Variants in DOCK1 observed in about 807,000 individuals in gnomAD.
DOCK1 encodes the protein dedicator of cytokinesis 1, also known as dedicator of cytokinesis protein 1.
DOCK1 carries 138 observed loss-of-function variants against 262.7 expected under a neutral mutation model. The observed-to-expected ratio is 0.53, with a 90% CI of 0.46 to 0.61. The LOEUF (loss-of-function observed/expected upper bound fraction) is 0.61, where lower values mean the gene tolerates loss of function less well. Among genes scored for constraint, DOCK1 ranks in the 20% least tolerant of loss-of-function variants. The pLI, the probability that DOCK1 is intolerant of heterozygous loss-of-function variation, is 0.00. For synonymous variants in DOCK1, 866 were observed against 867.4 expected (o/e 1.00, Z 0.03); for missense variants, 1,908 against 2,370.7 (o/e 0.80, Z 4.05).
At chr10:126,948,722 T>A (rs2035862384) in intron 1 of DOCK1, among the ~76,000 whole-genome samples, 1 of 152,026 alleles carries the variant, frequency 6.6e-6, no homozygotes, top group Non-Finnish European at 1.5e-5. Flanking sequence ...GGCGCCCAGC[T>A]GTGCAGCTGC....
chr10:127,114,075 C>T lies in DOCK1; in HGVS notation c.2623+3721C>T, dbSNP rs538502121. Reference sequence around the variant, plus strand: ...TGCTTAAAAAGCCCCCTACATGCCACCTCATGGCTCCTCATGGCACGCCCC... The same window carrying T: ...TGCTTAAAAAGCCCCCTACATGCCATCTCATGGCTCCTCATGGCACGCCCC... On this transcript the variant is annotated intron_variant, in intron 25 of 51. Coordinates refer to ENST00000623213, the MANE Select transcript of DOCK1 (RefSeq NM_001290223.2). 1.2e-4 allele frequency among the ~76,000 whole-genome samples: 19 copies of T among 152,316 alleles called. No individual in the cohort carries two copies. The South Asian group carries it at 3.7e-3, about 30-fold the overall frequency.
chr10:126,979,625 C>A (rs2038804229), intron 3 of DOCK1, among the ~76,000 whole-genome samples: 1 of 152,134 alleles, frequency 6.6e-6, no homozygotes, highest in African/African-American at 2.4e-5. Flanking sequence ...CACAGTATTT[C>A]TGCACTACAC....
rs1386524151 is a variant in DOCK1 at position 127,145,534 on chromosome 10, GTCC to G, written c.2847+17775_2847+17777del. Among the ~76,000 whole-genome samples the G allele has an allele frequency of 8.5e-5, 13 of 152,072 alleles. No homozygotes were observed. In the East Asian group the frequency reaches 2.5e-3, roughly 29 times the overall value. On this transcript the variant is annotated intron_variant, in intron 27 of 51. Coordinates refer to ENST00000623213, the MANE Select transcript of DOCK1 (RefSeq NM_001290223.2). ...GAAAAGGAGATGACACAGGGCTGTT[GTCC>G]TCCTGTTCTAAGCTGGTTGCTGTGA...
intron 27 of DOCK1, among the ~76,000 whole-genome samples, chr10:127,130,699 A>G (rs942768185): frequency 2.0e-5 from 3 of 152,218 alleles, no homozygotes; most frequent in East Asian, 1.9e-4. Context: ...TATGCACTCT[A>G]TAATGAACAG....
chr10:127,380,722 T>C (rs543419376), intron 36 of DOCK1, among the ~76,000 whole-genome samples: 25 of 152,322 alleles, frequency 1.6e-4, no homozygotes, highest in African/African-American at 5.5e-4. Context: ...CTCTGGAGAC[T>C]AGGAGAAGGA....
chr10:127,444,618 G>T (rs747962136), intron 50 of DOCK1, among the ~76,000 whole-genome samples: 15 of 152,168 alleles, frequency 9.9e-5, no homozygotes, highest in Non-Finnish European at 1.9e-4. Context: ...GCCTGCTTGT[G>T]TCTAGGACTG....
intron 10 of DOCK1, among the ~76,000 whole-genome samples, chr10:127,006,806 T>G (rs1279983860): frequency 1.3e-5 from 2 of 152,072 alleles, no homozygotes; most frequent in Non-Finnish European, 1.5e-5. Context: ...GCTGGTGAGA[T>G]GAGTCCCATG....
intron 40 of DOCK1, among the ~76,000 whole-genome samples, chr10:127,405,190 C>A (rs780658279): frequency 3.3e-5 from 5 of 152,164 alleles, no homozygotes; most frequent in Non-Finnish European, 5.9e-5. Flanking sequence ...TGTATGGCCA[C>A]GGTGCTAGAA....
intron 29 of DOCK1, among the ~76,000 whole-genome samples, chr10:127,280,222 G>T (rs796668911): frequency 1.8e-4 from 27 of 151,526 alleles, no homozygotes; most frequent in African/African-American, 6.3e-4. Flanking sequence ...TTTTAGTAGA[G>T]ACGGGGTTTC....
chr10:127,058,721 TTA>T (rs1320162185), intron 22 of DOCK1, among the ~76,000 whole-genome samples: 1 of 152,108 alleles, frequency 6.6e-6, no homozygotes, highest in African/African-American at 2.4e-5. Context: ...CATGTTGGAC[TTA>T]TTTTAGAGTA....
chr10:127,182,576 A>G (rs1274272689), intron 27 of DOCK1, among the ~76,000 whole-genome samples: 2 of 152,332 alleles, frequency 1.3e-5, no homozygotes, highest in South Asian at 2.1e-4. Flanking sequence ...TGAATTACCA[A>G]AATTTTATGA....
intron 1 of DOCK1, among the ~76,000 whole-genome samples, chr10:126,947,058 C>A (rs1439992446): frequency 2.6e-5 from 4 of 152,264 alleles, no homozygotes; most frequent in South Asian, 4.1e-4. Context: ...GGAGGCTTGG[C>A]AGCAGCATGC....
chr10:127,069,165 G>A (rs1293449187), intron 23 of DOCK1, among the ~76,000 whole-genome samples: 3 of 152,122 alleles, frequency 2.0e-5, no homozygotes, highest in Non-Finnish European at 2.9e-5. Context: ...CCCTGCCTTG[G>A]TTTCCACTAG....
chr10:127,334,195 C>T (rs960010237), intron 29 of DOCK1, among the ~76,000 whole-genome samples: 11 of 152,086 alleles, frequency 7.2e-5, no homozygotes, highest in Middle Eastern at 3.4e-3. Flanking sequence ...TGTTGAACAA[C>T]GTTCCGAAGG....
chr10:126,988,552 C>T (rs2039572414), intron 5 of DOCK1: 2 of 152,314 alleles, frequency 1.3e-5, no homozygotes, highest in East Asian at 1.9e-4. Context: ...CTGAGCAATT[C>T]TGTAGTCAGG....
chr10:127,064,106 C>T (rs1466392891), intron 23 of DOCK1, among the ~76,000 whole-genome samples: 1 of 152,196 alleles, frequency 6.6e-6, no homozygotes, highest in Non-Finnish European at 1.5e-5. Flanking sequence ...AACCATCTTC[C>T]ATAGACAAAG....
At chr10:127,438,591 G>A (rs2069855222) in intron 48 of DOCK1, among the ~76,000 whole-genome samples, 1 of 152,160 alleles carries the variant, frequency 6.6e-6, no homozygotes. Flanking sequence ...CCGTCTATCT[G>A]TAATCATAGA....
chr10:127,438,883 T>C (rs991257823), intron 48 of DOCK1, 144 bp from the exon 49 acceptor site: 4 of 750,078 alleles, frequency 5.3e-6, no homozygotes, highest in East Asian at 5.5e-5. Context: ...CTGGTGACTG[T>C]GTATCTGAAG....
rs200827111 is a variant in DOCK1 at position 127,284,145 on chromosome 10, TA to T, written c.3044+26718del. Among the ~76,000 whole-genome samples, 908 of 152,316 alleles carry T rather than the reference TA, an allele frequency of 6.0e-3. 29 individuals are homozygous for T. The highest frequency in any genetic ancestry group is 0.051 in the Admixed American group (784 of 15,288). Reference sequence around the variant, plus strand: ...TAAACTATTTACATCCTTTGCTCATTAATCTATTGGTTTTAGTGTTTTTTCT... The same window carrying T: ...TAAACTATTTACATCCTTTGCTCATTATCTATTGGTTTTAGTGTTTTTTCT... On this transcript the variant is annotated intron_variant, in intron 29 of 51. Transcript: ENST00000623213.
Sources: allele counts gnomAD v4.1 joint callset (sites outside exome capture counted in the v4.1 genomes callset), GRCh38; gene constraint gnomAD v4.1.1; transcripts MANE v1.5; gene names NCBI Gene and HGNC (gene_info 2026-07-23, HGNC 2026-07-21).